Variants in BABAM2 observed in about 807,000 individuals in gnomAD.
BABAM2 encodes the protein BRISC and BRCA1-A complex member 2.
Under a neutral mutation model 54.7 loss-of-function variants are expected in BABAM2, and 31 were observed. The observed-to-expected ratio is 0.57, with a 90% CI of 0.43 to 0.77. The LOEUF (loss-of-function observed/expected upper bound fraction) is 0.77, where lower values mean the gene tolerates loss of function less well. Among genes scored for constraint, BABAM2 ranks in the 30% least tolerant of loss-of-function variants. BABAM2 has a pLI of 0.00. For missense variants in BABAM2, 364 were observed against 455.8 expected, an observed-to-expected ratio of 0.80 and a Z score of 1.83; for synonymous variants, 167 against 162.9, an observed-to-expected ratio of 1.03 and a Z score of -0.19.
chr2:28,047,761 A>C (rs190641384), intron 6 of BABAM2, among the ~76,000 whole-genome samples: 100 of 152,330 alleles, frequency 6.6e-4, no homozygotes, highest in African/African-American at 2.3e-3. Flanking sequence ...ACATTGCAAC[A>C]CTAATGTCCT....
intron 5 of BABAM2, 100 bp from the exon 6 acceptor site, chr2:28,045,625 C>A (rs1677498477): frequency 2.2e-6 from 2 of 920,664 alleles, no homozygotes. Flanking sequence ...ATTGAAGATG[C>A]CTGCATTTTG....
intron 3 of BABAM2, among the ~76,000 whole-genome samples, chr2:27,972,440 T>C (rs1414963296): frequency 6.6e-6 from 1 of 152,202 alleles, no homozygotes; most frequent in East Asian, 1.9e-4. Flanking sequence ...ATGGAGATAG[T>C]CATGGAAAAT....
chr2:27,934,921 T>C (rs1668382291), intron 3 of BABAM2, among the ~76,000 whole-genome samples: 1 of 152,230 alleles, frequency 6.6e-6, no homozygotes, highest in East Asian at 1.9e-4. Flanking sequence ...AGGCCATTTC[T>C]ATCACACAGA....
At chr2:28,142,188 A>G (rs1245742097) in intron 7 of BABAM2, among the ~76,000 whole-genome samples, 2 of 152,192 alleles carry the variant, frequency 1.3e-5, no homozygotes, top group Non-Finnish European at 2.9e-5. Flanking sequence ...TAATGATCAT[A>G]TTGGAGTTTT....
chr2:28,192,225 G>T (rs566306720), intron 7 of BABAM2, among the ~76,000 whole-genome samples: 127 of 152,012 alleles, frequency 8.4e-4, no homozygotes, highest in African/African-American at 3.0e-3. Context: ...TAGTAGAGAC[G>T]GGGTTTCACC....
intron 7 of BABAM2, among the ~76,000 whole-genome samples, chr2:28,206,633 A>G (rs1053916799): frequency 1.3e-5 from 2 of 152,150 alleles, no homozygotes; most frequent in Non-Finnish European, 2.9e-5. Context: ...CCTTCGGCAC[A>G]TTCCTCTATC....
At chr2:27,956,991 C>T (rs558963147) in intron 3 of BABAM2, among the ~76,000 whole-genome samples, 140 of 152,274 alleles carry the variant, frequency 9.2e-4, no homozygotes, top group African/African-American at 3.3e-3. Flanking sequence ...TATTTAGACA[C>T]AAGATGTGTT....
intron 11 of BABAM2, among the ~76,000 whole-genome samples, chr2:28,316,068 T>A (rs1266712805): frequency 6.6e-6 from 1 of 152,190 alleles, no homozygotes; most frequent in Admixed American, 6.5e-5. Context: ...CATGTCCAGT[T>A]ACACTTAAAT....
chr2:28,314,815 C>T (rs1689375344), intron 11 of BABAM2, among the ~76,000 whole-genome samples: 1 of 151,778 alleles, frequency 6.6e-6, no homozygotes, highest in African/African-American at 2.4e-5. Context: ...AAATTGGAGG[C>T]TGGGTAGGAT....
At chr2:28,332,516 CTG>C (rs1168732842) in intron 11 of BABAM2, among the ~76,000 whole-genome samples, 1 of 152,182 alleles carries the variant, frequency 6.6e-6, no homozygotes. Flanking sequence ...CGGGCTAGAG[CTG>C]TGAGTCCTGT....
chr2:28,132,430 G>A (rs1670171167), intron 7 of BABAM2, among the ~76,000 whole-genome samples: 2 of 152,140 alleles, frequency 1.3e-5, no homozygotes, highest in African/African-American at 2.4e-5. Flanking sequence ...GAGCCACCAC[G>A]CCTGGCCTCT....
intron 6 of BABAM2, among the ~76,000 whole-genome samples, chr2:28,064,413 G>T (rs1322217228): frequency 6.6e-6 from 1 of 152,198 alleles, no homozygotes; most frequent in Non-Finnish European, 1.5e-5. Flanking sequence ...TGTTAAGGCT[G>T]TGTAAGATCT....
chr2:27,968,249 C>T (rs1260256062), intron 3 of BABAM2, among the ~76,000 whole-genome samples: 1 of 152,228 alleles, frequency 6.6e-6, no homozygotes, highest in Non-Finnish European at 1.5e-5. Flanking sequence ...CCCTGCGCCC[C>T]AGTTGCTTCA....
At chr2:27,997,423 G>A (rs531943375) in intron 4 of BABAM2, among the ~76,000 whole-genome samples, 12 of 152,232 alleles carry the variant, frequency 7.9e-5, no homozygotes, top group African/African-American at 2.9e-4. Flanking sequence ...TTATGAAGTA[G>A]GAAGAAAGTT....
rs181985449 is a variant in BABAM2, at chr2:27,901,820, C to G, written c.128+7136C>G. Among the ~76,000 whole-genome samples the G allele has an allele frequency of 6.6e-5, 10 of 152,324 alleles. No homozygotes were observed. In the East Asian group the frequency reaches 1.7e-3, roughly 26 times the overall value. ...TGTACTTTTCCCTGATCTCATTCCCCTTTTTCCCCACGCCTGTCTTCATAC... is the reference window on the plus strand; with the variant it reads ...TGTACTTTTCCCTGATCTCATTCCCGTTTTTCCCCACGCCTGTCTTCATAC... On this transcript the variant is annotated intron_variant, in intron 2 of 11. Transcript: ENST00000379624.
intron 3 of BABAM2, among the ~76,000 whole-genome samples, chr2:27,940,055 A>G (rs1668763507): frequency 6.6e-6 from 1 of 152,216 alleles, no homozygotes; most frequent in Admixed American, 6.5e-5. Context: ...TCCTAAGTAA[A>G]GAGAAGTCCT....
chr2:27,929,797 A>G lies in BABAM2; in HGVS notation c.129-35A>G, dbSNP rs371983236. ...GGTTTTTAAAGTTTGTTTTTAAAAA[A>G]TCTTTTCTTTCTTCTGTTTCTGCAT... On this transcript the variant is annotated intron_variant, in intron 2 of 11. Transcript: ENST00000379624. The G allele has an allele frequency of 2.7e-5, 43 of 1,587,854 alleles. No homozygotes were observed. In the African/African-American group the frequency reaches 5.5e-4, roughly 20 times the overall value.
At chr2:28,060,393 T>C (rs1410931231) in intron 6 of BABAM2, among the ~76,000 whole-genome samples, 1 of 152,140 alleles carries the variant, frequency 6.6e-6, no homozygotes, top group Non-Finnish European at 1.5e-5. Flanking sequence ...ATAGCTAGTA[T>C]CATACTTGAT....
intron 11 of BABAM2, among the ~76,000 whole-genome samples, chr2:28,305,079 A>C (rs1246133749): frequency 6.6e-6 from 1 of 152,188 alleles, no homozygotes; most frequent in Non-Finnish European, 1.5e-5. Context: ...ACTTGCACTG[A>C]ATAGGACCTC....
Sources: allele counts gnomAD v4.1 joint callset (sites outside exome capture counted in the v4.1 genomes callset), GRCh38; gene constraint gnomAD v4.1.1; transcripts MANE v1.5; gene names NCBI Gene and HGNC (gene_info 2026-07-23, HGNC 2026-07-21).